TMEM116: variants seen among roughly 807,000 people sequenced by gnomAD.
TMEM116 encodes the protein transmembrane protein 116.
Under a neutral mutation model 44.3 loss-of-function variants are expected in TMEM116, and 38 were observed. The observed-to-expected ratio is 0.86, with a 90% CI of 0.66 to 1.12. The LOEUF is 1.12. TMEM116 is among the 50% of genes most tolerant of loss of function. The pLI, the probability that TMEM116 is intolerant of heterozygous loss-of-function variation, is 0.00. For synonymous variants in TMEM116, 132 were observed against 144.8 expected (o/e 0.91, Z 0.64); for missense variants, 354 against 401.7 (o/e 0.88, Z 1.01).
Position 111,971,094 on chromosome 12 carries a change from G to A in TMEM116, c.210+20664C>T, listed in dbSNP as rs545094495. On this transcript the variant is annotated intron_variant, in intron 4 of 10. Transcript: ENST00000552374. ...TAGCAAATATACTTTCAAAAACAAA[G>A]GTGCAGTAAAAACATTTTCAGACAC... 6.8e-4 allele frequency among the ~76,000 whole-genome samples: 104 copies of A among 151,998 alleles called. 1 individual carries two copies. The highest frequency in any genetic ancestry group is 2.9e-3 in the South Asian group (14 of 4,824).
chr12:111,969,338 A>G (rs2075186235), intron 4 of TMEM116, among the ~76,000 whole-genome samples: 1 of 151,566 alleles, frequency 6.6e-6, no homozygotes, highest in African/African-American at 2.4e-5. Context: ...AAAAAAAAAA[A>G]TCTACATTAA....
intron 4 of TMEM116, among the ~76,000 whole-genome samples, chr12:111,946,116 T>C (rs1248736944): frequency 6.6e-6 from 1 of 152,234 alleles, no homozygotes; most frequent in African/African-American, 2.4e-5. Flanking sequence ...CTTGATTCTG[T>C]ACTCCTGGAT....
intron 4 of TMEM116, 85 bp downstream of exon 4, chr12:111,991,673 C>T: frequency 7.3e-7 from 1 of 1,369,300 alleles, no homozygotes; most frequent in Non-Finnish European, 9.7e-7. Context: ...TACGTCTCCA[C>T]TTCCCAAGGT....
chr12:111,936,547 T>C (rs1272954766), intron 8 of TMEM116, 145 bp downstream of exon 8: 8 of 783,560 alleles, frequency 1.0e-5, no homozygotes, highest in Non-Finnish European at 9.7e-6. Flanking sequence ...GCAGTAATTA[T>C]ATTGTCAAGA....
At chr12:111,933,798 A>C in intron 9 of TMEM116, 88 bp downstream of exon 9, 1 of 1,535,442 alleles carries the variant, frequency 6.5e-7, no homozygotes. Flanking sequence ...GCCCGACCTC[A>C]GCCATCCTTC....
chr12:111,995,313 T>A (rs1027211577), intron 3 of TMEM116, among the ~76,000 whole-genome samples: 2 of 152,122 alleles, frequency 1.3e-5, no homozygotes, highest in African/African-American at 4.8e-5. Context: ...AGATCTCTGA[T>A]GTATGACATA....
At chr12:111,969,207 C>A (rs545343771) in intron 4 of TMEM116, among the ~76,000 whole-genome samples, 146 of 150,504 alleles carry the variant, frequency 9.7e-4, no homozygotes, top group African/African-American at 3.3e-3. Flanking sequence ...GTAATCCCAG[C>A]TACTCGGGAG....
At chr12:111,971,249 GT>G (rs1171800682) in intron 4 of TMEM116, among the ~76,000 whole-genome samples, 2 of 152,148 alleles carry the variant, frequency 1.3e-5, no homozygotes, top group African/African-American at 4.8e-5. Context: ...TATAAAGTAT[GT>G]TTTTTTCTTA....
In TMEM116 at chr12:112,009,855, A is replaced by C. The variant is rs530447002; in HGVS notation, c.-34+3147T>G. Reference sequence around the variant, plus strand: ...AGTGACTCTGTCTCAAAAAAAAAAAAAACAAAACAAAACCTACTTCTAAAC... The same window carrying C: ...AGTGACTCTGTCTCAAAAAAAAAAACAACAAAACAAAACCTACTTCTAAAC... On this transcript the variant is annotated intron_variant, in intron 1 of 10. Transcript: ENST00000552374. Among the ~76,000 whole-genome samples the C allele has an allele frequency of 2.6e-4, 40 of 152,246 alleles. No homozygotes were observed. In the East Asian group the frequency reaches 6.4e-3, roughly 24 times the overall value.
At chr12:111,955,613 A>G (rs543731604) in intron 4 of TMEM116, among the ~76,000 whole-genome samples, 3 of 152,336 alleles carry the variant, frequency 2.0e-5, no homozygotes, top group Non-Finnish European at 4.4e-5. Flanking sequence ...TGGTTGGCTG[A>G]GTTCACAAAA....
intron 4 of TMEM116, among the ~76,000 whole-genome samples, chr12:111,953,016 A>G (rs1447041229): frequency 2.6e-5 from 4 of 152,198 alleles, no homozygotes; most frequent in Non-Finnish European, 4.4e-5. Flanking sequence ...AGATTATCAT[A>G]TTACTATGAA....
At chr12:111,998,627 T>C (rs2077055759) in intron 3 of TMEM116, among the ~76,000 whole-genome samples, 1 of 152,198 alleles carries the variant, frequency 6.6e-6, no homozygotes, top group Non-Finnish European at 1.5e-5. Flanking sequence ...GAGACCAGCC[T>C]GACCAATATG....
At chr12:111,941,832 GT>G (rs745403884) in intron 5 of TMEM116, among the ~76,000 whole-genome samples, 14 of 152,148 alleles carry the variant, frequency 9.2e-5, no homozygotes, top group Non-Finnish European at 1.8e-4. Context: ...AGTAAGAAGA[GT>G]ACCTCCTTAA....
chr12:111,933,495 T>C (rs2071833288), intron 9 of TMEM116, among the ~76,000 whole-genome samples: 1 of 149,648 alleles, frequency 6.7e-6, no homozygotes, highest in Admixed American at 6.6e-5. Flanking sequence ...CCTTCTTTTT[T>C]TTTTTTTTTT....
At chr12:111,943,210 C>T in intron 5 of TMEM116, 55 bp downstream of exon 5, 1 of 1,413,770 alleles carries the variant, frequency 7.1e-7, no homozygotes, top group Non-Finnish European at 1.0e-6. Context: ...AGGTAGGAGT[C>T]ACCACACCCG....
intron 4 of TMEM116, among the ~76,000 whole-genome samples, chr12:111,975,424 G>T (rs1354498546): frequency 6.6e-6 from 1 of 151,944 alleles, no homozygotes; most frequent in Non-Finnish European, 1.5e-5. Flanking sequence ...CCAAAGTACT[G>T]GGATTACAGG....
chr12:111,982,223 G>A (rs2075980357), intron 4 of TMEM116, among the ~76,000 whole-genome samples: 1 of 151,866 alleles, frequency 6.6e-6, no homozygotes, highest in South Asian at 2.1e-4. Context: ...TGAGGTAATG[G>A]ATATGTTGAC....
chr12:111,973,858 AG>A (rs2075503646), intron 4 of TMEM116, among the ~76,000 whole-genome samples: 1 of 152,090 alleles, frequency 6.6e-6, no homozygotes, highest in African/African-American at 2.4e-5. Context: ...CAGGAGGTGG[AG>A]GTTGCAGATC....
chr12:111,959,691 G>A (rs1470141290), intron 4 of TMEM116, among the ~76,000 whole-genome samples: 2 of 152,006 alleles, frequency 1.3e-5, no homozygotes, highest in Admixed American at 1.3e-4. Flanking sequence ...AATAAAGCAG[G>A]GGTTGCAATC....
Sources: allele counts gnomAD v4.1 joint callset (sites outside exome capture counted in the v4.1 genomes callset), GRCh38; gene constraint gnomAD v4.1.1; transcripts MANE v1.5; gene names NCBI Gene and HGNC (gene_info 2026-07-23, HGNC 2026-07-21).